Variants in SLC13A2 observed in about 807,000 individuals in gnomAD.
SLC13A2 encodes the protein solute carrier family 13 member 2, also known as Na(+)-coupled citrate transporter.
SLC13A2 carries 40 observed loss-of-function variants against 58.5 expected under a neutral mutation model. The ratio of observed to expected loss-of-function variants is 0.68; its 90% CI spans 0.53 to 0.89. SLC13A2 has a LOEUF of 0.89. Among genes scored for constraint, SLC13A2 ranks in the 40% least tolerant of loss-of-function variants. The pLI is 0.00. For missense variants in SLC13A2, 694 were observed against 772.6 expected (o/e 0.90, Z 1.21); for synonymous variants, 341 against 331.6 (o/e 1.03, Z -0.31).
intron 9 of SLC13A2, among the ~76,000 whole-genome samples, chr17:28,495,382 T>C (rs1261493702): frequency 6.6e-6 from 1 of 152,068 alleles, no homozygotes; most frequent in African/African-American, 2.4e-5. Flanking sequence ...CGGTCAAAGA[T>C]TTTTGCTCCC....
chr17:28,495,003 G>C (rs1325054111), intron 9 of SLC13A2, among the ~76,000 whole-genome samples: 4 of 152,160 alleles, frequency 2.6e-5, no homozygotes, highest in Non-Finnish European at 5.9e-5. Flanking sequence ...CCGTGTTCTG[G>C]CTCAAACAGA....
intron 1 of SLC13A2, among the ~76,000 whole-genome samples, chr17:28,484,777 G>C (rs1444935208): frequency 6.6e-6 from 1 of 152,192 alleles, no homozygotes; most frequent in Non-Finnish European, 1.5e-5. Flanking sequence ...GAGCACTCAA[G>C]GGGCAGAACC....
rs2069172871 is a variant in SLC13A2, at chr17:28,497,562, G to A, written c.*293G>A. The A allele has an allele frequency of 2.2e-6, 1 of 459,516 alleles. No homozygotes were observed. The highest frequency in any genetic ancestry group is 3.9e-6 in the Non-Finnish European group (1 of 253,190). 28.5% of individuals were successfully genotyped at this position (459,516 alleles called of 1,614,324 possible). Reference sequence around the variant, plus strand: ...GCTGTGTGCATGCACATGATCCTAGGTATGTATGTTGGACAGTGCACACGT... The same window carrying A: ...GCTGTGTGCATGCACATGATCCTAGATATGTATGTTGGACAGTGCACACGT... On this transcript the variant is annotated 3_prime_UTR_variant, in exon 12 of 12. Transcript: ENST00000314669.
At chr17:28,477,534 A>AC (rs1307130824) in intron 1 of SLC13A2, among the ~76,000 whole-genome samples, 4 of 152,096 alleles carry the variant, frequency 2.6e-5, no homozygotes, top group African/African-American at 9.7e-5. Flanking sequence ...GAATGTGCAC[A>AC]CAGTGGATCC....
chr17:28,487,333 A>G, intron 1 of SLC13A2: 1 of 156,994 alleles, frequency 6.4e-6, no homozygotes, highest in Non-Finnish European at 1.4e-5. Context: ...CGGGAAGCAG[A>G]TGTCCTGGCT....
In SLC13A2 at chr17:28,496,575, A is replaced by G. The variant is rs2151465587; in HGVS notation, c.1596A>G (p.Lys532=). Residue 532 remains lysine, a synonymous_variant, in exon 11 of 12, where the codon AAA becomes AAG. Coordinates refer to ENST00000314669, the MANE Select transcript of SLC13A2 (RefSeq NM_003984.4). The surrounding 1 kb of genome is among the most constrained non-coding windows in gnomAD (Gnocchi z 4.2). The stretch of plus-strand genomic sequence containing the variant: ...TCGTCTTCTCTTTCGGGGACCTCAA[A>G]GTGTTGGATATGGTAAGTGGCAGGG... ...NAIVFSFGDL[K]VLDMARAGFL... 6.2e-7 allele frequency: 1 copy of G among 1,612,820 alleles called. No individual in the cohort carries two copies. The highest frequency in any genetic ancestry group is 1.3e-5 in the African/African-American group (1 of 74,976).
chr17:28,473,703 G>T lies in SLC13A2; in HGVS notation c.-10G>T, dbSNP rs375361114. Reference sequence around the variant, plus strand: ...GGCAGTGGCTGTAGCAGCCCTTGCTGCTCCACACCATGGCCACCTGCTGGC... The same window carrying T: ...GGCAGTGGCTGTAGCAGCCCTTGCTTCTCCACACCATGGCCACCTGCTGGC... On this transcript the variant is annotated 5_prime_UTR_variant, in exon 1 of 12. Coordinates refer to ENST00000314669, the MANE Select transcript of SLC13A2 (RefSeq NM_003984.4). The T allele has an allele frequency of 1.1e-4, 176 of 1,611,910 alleles. No homozygotes were observed. The highest frequency in any genetic ancestry group is 1.4e-4 in the Non-Finnish European group (167 of 1,178,528).
At chr17:28,492,002 T>C in intron 6 of SLC13A2, 150 bp downstream of exon 6, 1 of 1,163,198 alleles carries the variant, frequency 8.6e-7, no homozygotes, top group South Asian at 1.6e-5. Context: ...TGGACCCCCA[T>C]TTGAGGAAAT....
At chr17:28,490,617 G>A in intron 3 of SLC13A2, 27 bp downstream of exon 3, 3 of 1,590,164 alleles carry the variant, frequency 1.9e-6, no homozygotes, top group Non-Finnish European at 8.6e-7. Flanking sequence ...AACCAGCACG[G>A]GAGAACCTGA....
chr17:28,482,178 C>T (rs1440223032), intron 1 of SLC13A2, among the ~76,000 whole-genome samples: 1 of 151,782 alleles, frequency 6.6e-6, no homozygotes, highest in African/African-American at 2.4e-5. Context: ...TGCCACCATG[C>T]CCAGCTAAGT....
chr17:28,490,325 C>T (rs1555602947), intron 2 of SLC13A2, 129 bp from the exon 3 acceptor site: 1 of 1,606,338 alleles, frequency 6.2e-7, no homozygotes, highest in South Asian at 1.1e-5. Context: ...GAGACCATTT[C>T]CATCCAGTTT....
chr17:28,497,015 C>T (rs782535849), intron 11 of SLC13A2, 84 bp from the exon 12 acceptor site: 26 of 1,434,600 alleles, frequency 1.8e-5, no homozygotes, highest in South Asian at 8.9e-5. Flanking sequence ...GGTAGGAGGG[C>T]TCCTGTGCAC....
At chr17:28,493,517 T>C in intron 6 of SLC13A2, 54 bp from the exon 7 acceptor site, 1 of 1,478,500 alleles carries the variant, frequency 6.8e-7, no homozygotes, top group South Asian at 1.3e-5. Context: ...TCAGAGCCCC[T>C]TGCTCCCTGC....
chr17:28,486,160 C>T (rs1397856041), intron 1 of SLC13A2, among the ~76,000 whole-genome samples: 1 of 152,262 alleles, frequency 6.6e-6, no homozygotes, highest in East Asian at 1.9e-4. Flanking sequence ...TAGGTAAGAT[C>T]TAAAGTTGGT....
At chr17:28,490,977 T>C in intron 4 of SLC13A2, 71 bp downstream of exon 4, 1 of 1,391,890 alleles carries the variant, frequency 7.2e-7, no homozygotes, top group Non-Finnish European at 9.7e-7. Flanking sequence ...TCTGTCCGTT[T>C]CGAGGGCTGG....
chr17:28,497,422 G>A lies in SLC13A2; in HGVS notation c.*153G>A, dbSNP rs1219733176. The stretch of plus-strand genomic sequence containing the variant: ...ATCTCTTGCGTGTCTGTAAGGAAGG[G>A]GTGTATGCTCAGTTTCCTATGTGCT... On this transcript the variant is annotated 3_prime_UTR_variant, in exon 12 of 12. Coordinates refer to ENST00000314669, the MANE Select transcript of SLC13A2 (RefSeq NM_003984.4). 7.6e-6 allele frequency: 6 copies of A among 793,686 alleles called. No homozygotes were observed. The African/African-American group carries it at 1.0e-4, about 14-fold the overall frequency. The allele number at this position is 793,686 out of a possible 1,614,324, so 49.2% of individuals were successfully genotyped here. A position where few individuals can be genotyped will look rare whatever the true frequency, so the allele number is the denominator to read the frequency against.
At chr17:28,489,466 A>C in intron 2 of SLC13A2, 124 bp downstream of exon 2, 2 of 1,156,900 alleles carry the variant, frequency 1.7e-6, no homozygotes, top group Admixed American at 3.1e-5. Context: ...GGGGTTCCTG[A>C]CTCTGCATGA....
At chr17:28,478,011 T>C (rs574549090) in intron 1 of SLC13A2, among the ~76,000 whole-genome samples, 1 of 152,172 alleles carries the variant, frequency 6.6e-6, no homozygotes, top group African/African-American at 2.4e-5. Context: ...TGAGCTGAGA[T>C]TGTGCCACTG....
chr17:28,488,177 C>G (rs114645493), intron 1 of SLC13A2, among the ~76,000 whole-genome samples: 1 of 152,174 alleles, frequency 6.6e-6, no homozygotes, highest in East Asian at 1.9e-4. Context: ...CCCAGGCCAC[C>G]GCCTACTCCC....
Sources: gnomAD v4.1 joint callset for allele counts (sites outside exome capture counted in the v4.1 genomes callset) on GRCh38, gnomAD v4.1.1 for gene constraint, Gnocchi (gnomAD v3.1) non-coding constraint, MANE v1.5 for transcripts, NCBI Gene and HGNC (gene_info 2026-07-23, HGNC 2026-07-21) for gene names.